Variants in CDH11 observed in about 807,000 individuals in gnomAD.
The protein encoded by CDH11 is cadherin 11, also known as cadherin-11.
A neutral mutation model predicts 67.8 loss-of-function variants in CDH11; 11 were observed. The ratio of observed to expected loss-of-function variants is 0.16; its 90% CI spans 0.10 to 0.27. The LOEUF is 0.27. Among genes scored for constraint, CDH11 ranks in the 10% least tolerant of loss-of-function variants. The pLI, the probability that CDH11 is intolerant of heterozygous loss-of-function variation, is 1.00. For synonymous variants in CDH11, 419 were observed against 400.0 expected (o/e 1.05, Z -0.57); for missense variants, 847 against 1,031.2 (o/e 0.82, Z 2.45).
At chr16:64,972,330 C>T (rs138778989) in intron 9 of CDH11, among the ~76,000 whole-genome samples, 1 of 152,260 alleles carries the variant, frequency 6.6e-6, no homozygotes, top group East Asian at 1.9e-4. Context: ...TTCTAAAGGC[C>T]TATCATGGAG....
intron 2 of CDH11, among the ~76,000 whole-genome samples, chr16:65,005,858 C>T (rs79220203): frequency 6.6e-6 from 1 of 152,164 alleles, no homozygotes. Context: ...TCCAACCAAC[C>T]AGCCCAAGGT....
chr16:65,043,199 T>A (rs2073896122), intron 2 of CDH11, among the ~76,000 whole-genome samples: 1 of 152,234 alleles, frequency 6.6e-6, no homozygotes, highest in Admixed American at 6.5e-5. Flanking sequence ...ATCCCATGAA[T>A]AAGCATTCAG....
chr16:65,047,719 G>T (rs2073987347), intron 2 of CDH11, among the ~76,000 whole-genome samples: 1 of 152,058 alleles, frequency 6.6e-6, no homozygotes, highest in African/African-American at 2.4e-5. Context: ...TCTATCTAAG[G>T]ATACATAAAA....
At chr16:65,076,493 T>G (rs1309783895) in intron 1 of CDH11, among the ~76,000 whole-genome samples, 1 of 152,102 alleles carries the variant, frequency 6.6e-6, no homozygotes, top group East Asian at 1.9e-4. Flanking sequence ...TGGAAACAAG[T>G]GTGGGCTCCC....
intron 1 of CDH11, among the ~76,000 whole-genome samples, chr16:65,090,697 T>A (rs2074778730): frequency 6.6e-6 from 1 of 152,232 alleles, no homozygotes; most frequent in African/African-American, 2.4e-5. Flanking sequence ...CTTCATTTAA[T>A]TTGTAGTGAA....
chr16:64,983,340 TGGAAA>T (rs2072404782), intron 7 of CDH11: 1 of 152,104 alleles, frequency 6.6e-6, no homozygotes, highest in Admixed American at 6.6e-5. Flanking sequence ...CAGCAAAGGA[TGGAAA>T]GTAACATTGT....
chr16:65,089,066 T>A (rs2074748303), intron 1 of CDH11, among the ~76,000 whole-genome samples: 1 of 152,320 alleles, frequency 6.6e-6, no homozygotes, highest in East Asian at 1.9e-4. Context: ...CCTTCTTGTT[T>A]AGTTGAGGTC....
At chr16:65,032,074 G>C (rs2073654071) in intron 2 of CDH11, among the ~76,000 whole-genome samples, 1 of 152,068 alleles carries the variant, frequency 6.6e-6, no homozygotes, top group Admixed American at 6.6e-5. Context: ...GGAGGTGATG[G>C]AATAAAGGCA....
intron 2 of CDH11, among the ~76,000 whole-genome samples, chr16:65,030,876 T>G (rs1195139482): frequency 1.3e-5 from 2 of 152,222 alleles, no homozygotes; most frequent in Non-Finnish European, 2.9e-5. Context: ...TTGAGAATTT[T>G]TAACATCAAT....
At chr16:64,963,520 CAGA>C (rs1225793883) in intron 11 of CDH11, among the ~76,000 whole-genome samples, 1 of 152,024 alleles carries the variant, frequency 6.6e-6, no homozygotes, top group Non-Finnish European at 1.5e-5. Context: ...GAGAAAGAAA[CAGA>C]AGAACTATTT....
At chr16:65,088,606 G>A (rs1191798638) in intron 1 of CDH11, among the ~76,000 whole-genome samples, 4 of 152,048 alleles carry the variant, frequency 2.6e-5, no homozygotes, top group Non-Finnish European at 5.9e-5. Flanking sequence ...TTCCTCTAAG[G>A]GGTAATCATT....
intron 2 of CDH11, among the ~76,000 whole-genome samples, chr16:65,025,399 C>G (rs1441133405): frequency 6.6e-6 from 1 of 152,102 alleles, no homozygotes; most frequent in Non-Finnish European, 1.5e-5. Context: ...TGCAGTGGCG[C>G]GATCTTGGCT....
chr16:65,036,796 C>G (rs2073763800), intron 2 of CDH11, among the ~76,000 whole-genome samples: 1 of 152,142 alleles, frequency 6.6e-6, no homozygotes, highest in Non-Finnish European at 1.5e-5. Flanking sequence ...ATGGAAGATA[C>G]ACTTTGAAGG....
At chr16:65,038,714 A>C (rs894937953) in intron 2 of CDH11, among the ~76,000 whole-genome samples, 9 of 152,208 alleles carry the variant, frequency 5.9e-5, no homozygotes, top group Non-Finnish European at 1.5e-5. Flanking sequence ...CCCAAAATAG[A>C]GATGAAGGCA....
intron 2 of CDH11, among the ~76,000 whole-genome samples, chr16:65,015,330 A>G (rs1021210947): frequency 2.0e-5 from 3 of 152,026 alleles, no homozygotes; most frequent in Non-Finnish European, 4.4e-5. Flanking sequence ...CTAGAATCTC[A>G]GAGTTGAATG....
chr16:65,010,361 A>G (rs2073151087), intron 2 of CDH11, among the ~76,000 whole-genome samples: 1 of 152,136 alleles, frequency 6.6e-6, no homozygotes, highest in African/African-American at 2.4e-5. Flanking sequence ...ATCACTCAGC[A>G]CTGAGCTGGT....
Position 64,982,089 on chromosome 16 carries a change from T to C in CDH11, c.1212A>G (p.Arg404=), listed in dbSNP as rs368865301. 2.5e-6 allele frequency: 4 copies of C among 1,613,882 alleles called. No homozygotes were observed. Among genetic ancestry groups the C allele is most frequent in the Non-Finnish European group, 3.4e-6 (4 of 1,179,964 alleles). The stretch of plus-strand genomic sequence containing the variant: ...CAGCATCAGGGTCTTTGGCATGCAC[T>C]CTCCCAACCACGGTGCCAGCAGCTG... The part of the protein sequence containing the change: ...ENAAAGTVVG[R]VHAKDPDAAN... Residue 404 remains arginine, a synonymous_variant, in exon 8 of 13, where the codon AGA becomes AGG. Coordinates refer to ENST00000268603, the MANE Select transcript of CDH11 (RefSeq NM_001797.4).
chr16:65,046,546 A>G (rs187241700), intron 2 of CDH11, among the ~76,000 whole-genome samples: 3 of 152,220 alleles, frequency 2.0e-5, no homozygotes, highest in Non-Finnish European at 4.4e-5. Context: ...CAGTAAATCA[A>G]TGCTGGGGAG....
intron 6 of CDH11, 106 bp from the exon 7 acceptor site, chr16:64,988,450 C>A: frequency 9.7e-7 from 1 of 1,026,506 alleles, no homozygotes; most frequent in Non-Finnish European, 1.4e-6. Context: ...TGAAATTGAA[C>A]TTTCTATTGA....
Sources: gnomAD v4.1 joint callset for allele counts (sites outside exome capture counted in the v4.1 genomes callset) on GRCh38, gnomAD v4.1.1 for gene constraint, MANE v1.5 for transcripts, NCBI Gene and HGNC (gene_info 2026-07-23, HGNC 2026-07-21) for gene names.